The following ADCYAP1R1 variants were observed in gnomAD, a reference collection of about 807,000 sequenced individuals.
The protein encoded by ADCYAP1R1 is ADCYAP receptor type I.
Under a neutral mutation model 67.6 loss-of-function variants are expected in ADCYAP1R1, and 44 were observed. The ratio of observed to expected loss-of-function variants is 0.65; its 90% CI spans 0.51 to 0.84. The LOEUF is 0.84. ADCYAP1R1 is among the 40% of genes least tolerant of loss of function. The probability of loss-of-function intolerance (pLI) is 0.00; values close to 1 mark genes in which losing one functional copy is unlikely to be tolerated. For synonymous variants in ADCYAP1R1, 222 were observed against 219.6 expected, an observed-to-expected ratio of 1.01 and a Z score of -0.10; for missense variants, 477 against 587.9, an observed-to-expected ratio of 0.81 and a Z score of 1.95.
At chr7:31,057,844 A>G (rs753113195) in intron 1 of ADCYAP1R1, among the ~76,000 whole-genome samples, 3 of 152,144 alleles carry the variant, frequency 2.0e-5, no homozygotes, top group Non-Finnish European at 4.4e-5. Context: ...AGAGCAGGGT[A>G]GGCGAGTGAT....
chr7:31,106,476 G>C lies in ADCYAP1R1; in HGVS notation c.1219-20G>C. 2.5e-6 allele frequency: 4 copies of C among 1,585,642 alleles called. No individual in the cohort carries two copies. Among genetic ancestry groups the C allele is most frequent in the Non-Finnish European group, 3.4e-6 (4 of 1,165,170 alleles). On this transcript the variant is annotated intron_variant, in intron 15 of 15. Transcript: ENST00000304166. ...AGAGGATGTCCATCTGGAAGTGACC[G>C]CCCAGTTTGCTCCCTGCAGGTACAA... is the stretch of plus-strand genomic sequence containing the variant.
rs755437913 is a variant in ADCYAP1R1 at position 31,087,007 on chromosome 7, A to T, written c.884+4A>T. The T allele has an allele frequency of 1.9e-6, 3 of 1,614,206 alleles. No individual in the cohort carries two copies. The Admixed American group carries it at 5.0e-5, about 27-fold the overall frequency. On this transcript the variant is annotated splice_donor_region_variant and intron_variant, in intron 11 of 15. Transcript: ENST00000304166. ...GACTCTACTTTGATGACACAGGGTT[A>T]GTACATGCGCGAGAGTCAGGGCCAC...
chr7:31,100,346 T>C (rs1796387976), intron 13 of ADCYAP1R1: 3 of 638,018 alleles, frequency 4.7e-6, no homozygotes, highest in Non-Finnish European at 7.9e-6. Context: ...CTGTTGCATG[T>C]TGGTGTCTGT....
chr7:31,099,794 T>C (rs1284145848), intron 13 of ADCYAP1R1, among the ~76,000 whole-genome samples: 1 of 152,222 alleles, frequency 6.6e-6, no homozygotes, highest in Non-Finnish European at 1.5e-5. Context: ...GAGCCAACTC[T>C]GGAGGCAGCC....
chr7:31,097,880 C>T (rs777551925), intron 13 of ADCYAP1R1, among the ~76,000 whole-genome samples: 3 of 151,988 alleles, frequency 2.0e-5, no homozygotes, highest in East Asian at 1.9e-4. Context: ...GGTCACTGGC[C>T]GTAGGAGAGA....
Position 31,098,581 on chromosome 7 carries a change from A to G in ADCYAP1R1, c.1047-4656A>G, listed in dbSNP as rs146728192. 5.2e-3 allele frequency among the ~76,000 whole-genome samples: 796 copies of G among 152,038 alleles called. 8 individuals are homozygous for G. The highest frequency in any genetic ancestry group is 0.019 in the African/African-American group (777 of 41,480). On this transcript the variant is annotated intron_variant, in intron 13 of 15. Transcript: ENST00000304166. Reference sequence around the variant, plus strand: ...TCTGAGTAGCAAAGCATCAAACCAAACCTCGACATTCCTCTTCTGGAAAAG... The same window carrying G: ...TCTGAGTAGCAAAGCATCAAACCAAGCCTCGACATTCCTCTTCTGGAAAAG...
chr7:31,057,398 C>T (rs897126148), intron 1 of ADCYAP1R1, among the ~76,000 whole-genome samples: 1 of 152,222 alleles, frequency 6.6e-6, no homozygotes, highest in East Asian at 1.9e-4. Flanking sequence ...TTCCTGGTCT[C>T]CTAGGGCCTC....
intron 3 of ADCYAP1R1, 78 bp downstream of exon 3, chr7:31,065,014 A>G (rs1457845929): frequency 9.0e-7 from 1 of 1,111,790 alleles, no homozygotes; most frequent in East Asian, 2.6e-5. Context: ...AGGCTCGGCC[A>G]GTGAGTGGTC....
At chr7:31,078,861 C>T (rs930853489) in intron 4 of ADCYAP1R1, among the ~76,000 whole-genome samples, 2 of 152,112 alleles carry the variant, frequency 1.3e-5, no homozygotes, top group Non-Finnish European at 2.9e-5. Flanking sequence ...CTTGGAGGCG[C>T]GGGTGTGCGA....
chr7:31,080,007 G>T (rs947868429), intron 4 of ADCYAP1R1, among the ~76,000 whole-genome samples: 1 of 152,090 alleles, frequency 6.6e-6, no homozygotes, highest in Non-Finnish European at 1.5e-5. Context: ...TATTTCTTTC[G>T]TTCCGTCATT....
chr7:31,063,392 G>T, intron 2 of ADCYAP1R1, 77 bp downstream of exon 2: 1 of 1,540,024 alleles, frequency 6.5e-7, no homozygotes, highest in Non-Finnish European at 9.0e-7. Context: ...TGTTTTTTCT[G>T]TACCCTCAGC....
intron 14 of ADCYAP1R1, among the ~76,000 whole-genome samples, chr7:31,104,622 A>C (rs984889704): frequency 6.6e-6 from 1 of 152,098 alleles, no homozygotes; most frequent in Non-Finnish European, 1.5e-5. Flanking sequence ...GATCTGACCA[A>C]GGGAATGTGA....
intron 1 of ADCYAP1R1, among the ~76,000 whole-genome samples, chr7:31,056,257 G>A (rs1411652422): frequency 6.6e-6 from 1 of 152,120 alleles, no homozygotes; most frequent in Non-Finnish European, 1.5e-5. Flanking sequence ...GTGGTGGTGG[G>A]GGTTTGAGTT....
chr7:31,084,128 C>G lies in ADCYAP1R1; in HGVS notation c.329-13C>G, dbSNP rs1426049936. ...TCATTTCTGGGCCTCGCTGAGTTTT[C>G]TTTTTGCTGCAGACATGGGAGTGGT... On this transcript the variant is annotated splice_polypyrimidine_tract_variant and intron_variant, in intron 6 of 15. Coordinates refer to ENST00000304166, the MANE Select transcript of ADCYAP1R1 (RefSeq NM_001118.5). 6 of 1,612,976 alleles carry G rather than the reference C, an allele frequency of 3.7e-6. No individual in the cohort carries two copies. Among genetic ancestry groups the G allele is most frequent in the Non-Finnish European group, 5.1e-6 (6 of 1,179,206 alleles).
intron 15 of ADCYAP1R1, 37 bp downstream of exon 15, chr7:31,104,946 G>C (rs370305241): frequency 6.2e-7 from 1 of 1,611,364 alleles, no homozygotes; most frequent in African/African-American, 1.3e-5. Context: ...GGCAGTGGAA[G>C]TGGGGCTTTC....
At chr7:31,104,841 C>A (rs1016501799) in intron 14 of ADCYAP1R1, 27 bp from the exon 15 acceptor site, 1 of 1,613,866 alleles carries the variant, frequency 6.2e-7, no homozygotes, top group South Asian at 1.1e-5. Flanking sequence ...TTGCTAGCAT[C>A]CTCAGGCTTA....
At chr7:31,106,193 A>G (rs897926657) in intron 15 of ADCYAP1R1, among the ~76,000 whole-genome samples, 2 of 152,204 alleles carry the variant, frequency 1.3e-5, no homozygotes, top group East Asian at 1.9e-4. Context: ...CTTGTTAAAG[A>G]TTTCCTGAAG....
intron 1 of ADCYAP1R1, among the ~76,000 whole-genome samples, chr7:31,061,398 C>T (rs148108766): frequency 3.3e-5 from 5 of 152,196 alleles, no homozygotes; most frequent in South Asian, 2.1e-4. Context: ...TGCTAGGTCA[C>T]GCCAGAGGCA....
intron 3 of ADCYAP1R1, among the ~76,000 whole-genome samples, chr7:31,070,184 C>T (rs560834247): frequency 2.0e-5 from 3 of 152,344 alleles, no homozygotes; most frequent in East Asian, 1.9e-4. Context: ...ATCTCCAGGC[C>T]ACACAGCCCC....
Sources: gnomAD v4.1 joint callset for allele counts (sites outside exome capture counted in the v4.1 genomes callset) on GRCh38, gnomAD v4.1.1 for gene constraint, MANE v1.5 for transcripts, NCBI Gene and HGNC (gene_info 2026-07-23, HGNC 2026-07-21) for gene names.